The following SNTB1 variants were observed in gnomAD, a reference collection of about 807,000 sequenced individuals.
The protein encoded by SNTB1 is beta-1-syntrophin.
SNTB1 carries 36 observed loss-of-function variants against 48.9 expected under a neutral mutation model. The ratio of observed to expected loss-of-function variants is 0.74; its 90% CI spans 0.56 to 0.97. SNTB1 has a LOEUF of 0.97. SNTB1 is among the 50% of genes least tolerant of loss of function. The pLI is 0.00. For synonymous variants in SNTB1, 299 were observed against 294.6 expected, an observed-to-expected ratio of 1.01 and a Z score of -0.15; for missense variants, 786 against 703.4, an observed-to-expected ratio of 1.12 and a Z score of -1.33.
At chr8:120,734,634 G>A (rs1056635186) in intron 1 of SNTB1, among the ~76,000 whole-genome samples, 2 of 152,066 alleles carry the variant, frequency 1.3e-5, no homozygotes, top group Admixed American at 6.6e-5. Context: ...CTGGGTTATC[G>A]AACAATTAGA....
intron 3 of SNTB1, among the ~76,000 whole-genome samples, chr8:120,616,567 T>C (rs1162455051): frequency 1.3e-5 from 2 of 151,556 alleles, no homozygotes; most frequent in Non-Finnish European, 2.9e-5. Context: ...CCCTCTCAAC[T>C]TGGCTTCCCA....
At chr8:120,635,485 T>A (rs1817059768) in intron 2 of SNTB1, 1 of 152,624 alleles carries the variant, frequency 6.6e-6, no homozygotes, top group Admixed American at 6.5e-5. Context: ...TTTTTAAAAA[T>A]TTTGACAAAG....
At chr8:120,671,953 A>C (rs922049950) in intron 2 of SNTB1, among the ~76,000 whole-genome samples, 2 of 152,346 alleles carry the variant, frequency 1.3e-5, no homozygotes, top group Admixed American at 1.3e-4. Flanking sequence ...GGTTCGACTT[A>C]GGATTTTTCA....
At chr8:120,793,504 G>A (rs901479044) in intron 1 of SNTB1, among the ~76,000 whole-genome samples, 2 of 152,018 alleles carry the variant, frequency 1.3e-5, no homozygotes, top group Non-Finnish European at 1.5e-5. Context: ...CAGGCTGCCC[G>A]TGAAGAAATG....
At chr8:120,551,533 T>C (rs949108695) in intron 4 of SNTB1, among the ~76,000 whole-genome samples, 4 of 151,984 alleles carry the variant, frequency 2.6e-5, no homozygotes, top group African/African-American at 9.7e-5. Context: ...GTGACCATCC[T>C]GGCTAACACA....
At chr8:120,696,013 G>A (rs1818205358) in intron 1 of SNTB1, among the ~76,000 whole-genome samples, 1 of 152,100 alleles carries the variant, frequency 6.6e-6, no homozygotes, top group East Asian at 1.9e-4. Flanking sequence ...AAATTTAGGG[G>A]GACATATTGA....
rs1563611080 is a variant in SNTB1 at position 120,811,685 on chromosome 8, G to GCCCT, written c.155_158dup (p.Ala54GlyfsTer166). 6.3e-7 allele frequency: 1 copy of GCCCT among 1,589,866 alleles called. No homozygotes were observed. Among genetic ancestry groups the GCCCT allele is most frequent in the Non-Finnish European group, 8.5e-7 (1 of 1,172,068 alleles). ...TCCCGATGCCGTTGTACGCCGCAGC[G>GCCCT]CCCTCCTCGCTGCTCAGAACCAGGG... On this transcript the variant is annotated frameshift_variant, in exon 1 of 7. Transcript: ENST00000517992. LOFTEE classifies it high-confidence loss of function.
At chr8:120,683,385 T>C (rs748209854) in intron 2 of SNTB1, among the ~76,000 whole-genome samples, 9 of 152,066 alleles carry the variant, frequency 5.9e-5, no homozygotes, top group Non-Finnish European at 1.3e-4. Flanking sequence ...CTGGGTTTTC[T>C]AGATAAAGTA....
chr8:120,727,448 G>A (rs1818776916), intron 1 of SNTB1, among the ~76,000 whole-genome samples: 1 of 152,162 alleles, frequency 6.6e-6, no homozygotes, highest in Non-Finnish European at 1.5e-5. Flanking sequence ...TCAGTTTCTG[G>A]CCTAAAGATA....
At chr8:120,618,940 C>T (rs1006718090) in intron 3 of SNTB1, among the ~76,000 whole-genome samples, 2 of 152,048 alleles carry the variant, frequency 1.3e-5, no homozygotes, top group African/African-American at 4.8e-5. Flanking sequence ...TTTTCAAATG[C>T]ACCATAATAA....
chr8:120,607,316 G>A (rs529369584), intron 3 of SNTB1, among the ~76,000 whole-genome samples: 98 of 152,240 alleles, frequency 6.4e-4, no homozygotes, highest in African/African-American at 2.1e-3. Flanking sequence ...AGGCTGGTGC[G>A]TCCACCTACA....
At position 120,787,214 on chromosome 8, in the gene SNTB1, A is replaced by T. The variant is rs10096100; in HGVS notation, c.571+24059T>A. On this transcript the variant is annotated intron_variant, in intron 1 of 6. Transcript: ENST00000517992. ...CATCCTCAAGAGAAAAATAATTTTTAAAAAAAGTTGAATCAAAAATAAATT... is the reference window on the plus strand; with the variant it reads ...CATCCTCAAGAGAAAAATAATTTTTTAAAAAAGTTGAATCAAAAATAAATT... Among the ~76,000 whole-genome samples the T allele has an allele frequency of 2.4e-3, 359 of 152,310 alleles. 1 individual carries two copies. Among genetic ancestry groups the T allele is most frequent in the African/African-American group, 8.2e-3 (342 of 41,578 alleles).
intron 1 of SNTB1, among the ~76,000 whole-genome samples, chr8:120,771,443 A>C (rs1344787470): frequency 6.6e-6 from 1 of 152,252 alleles, no homozygotes; most frequent in Admixed American, 6.5e-5. Context: ...AAAACGTATA[A>C]AAAATTTCTG....
chr8:120,595,657 C>G (rs184407068), intron 3 of SNTB1, among the ~76,000 whole-genome samples: 1 of 151,972 alleles, frequency 6.6e-6, no homozygotes, highest in East Asian at 1.9e-4. Flanking sequence ...AATCTCAGCT[C>G]ACTGCAACCT....
intron 2 of SNTB1, among the ~76,000 whole-genome samples, chr8:120,638,719 T>A (rs1337147750): frequency 3.3e-5 from 5 of 152,208 alleles, no homozygotes; most frequent in Non-Finnish European, 1.5e-5. Context: ...TTCATGTCCC[T>A]ACAAAGGACA....
Position 120,771,402 on chromosome 8 carries a change from T to C in SNTB1, c.571+39871A>G, listed in dbSNP as rs543328450. 6.6e-5 allele frequency among the ~76,000 whole-genome samples: 10 copies of C among 152,358 alleles called. No individual in the cohort carries two copies. The South Asian group carries it at 1.7e-3, about 25-fold the overall frequency. On this transcript the variant is annotated intron_variant, in intron 1 of 6. Coordinates refer to ENST00000517992, the MANE Select transcript of SNTB1 (RefSeq NM_021021.4). ...TGCACCTGACAAATTTCTGTTTCCA[T>C]GTGAAAATGAAGAAAAAGACAGATT...
At chr8:120,770,840 C>T (rs1304278162) in intron 1 of SNTB1, among the ~76,000 whole-genome samples, 1 of 152,040 alleles carries the variant, frequency 6.6e-6, no homozygotes, top group Non-Finnish European at 1.5e-5. Flanking sequence ...AAAGTACAGA[C>T]CTTTAATGAT....
chr8:120,579,690 GA>G (rs879701294), intron 3 of SNTB1, among the ~76,000 whole-genome samples: 1 of 144,582 alleles, frequency 6.9e-6, no homozygotes, highest in Non-Finnish European at 1.5e-5. Context: ...AAAAAGAAAA[GA>G]AAACAAACAA....
At position 120,811,294 on chromosome 8, in the gene SNTB1, C is replaced by G. The variant is rs1431770403; in HGVS notation, c.550G>C (p.Gly184Arg). 3 of 1,604,814 alleles carry G rather than the reference C, an allele frequency of 1.9e-6. No individual in the cohort carries two copies. The change falls in exon 1 of 7, where the codon GGC (glycine) becomes CGC (arginine). Residue 184 changes from glycine (G) to arginine (R), a missense_variant. Transcript: ENST00000517992. ...TTACCTTCCAGCAGCACTTCCTTGC[C>G]CGCGCGCTTCAACGCCTGCACCGCC... ...DEAVQALKRA[G>R]KEVLLEVKYM...
Sources: allele counts gnomAD v4.1 joint callset (sites outside exome capture counted in the v4.1 genomes callset), GRCh38; gene constraint gnomAD v4.1.1; transcripts MANE v1.5; gene names NCBI Gene and HGNC (gene_info 2026-07-23, HGNC 2026-07-21).